ATAD2: variants seen among roughly 807,000 people sequenced by gnomAD.
ATAD2 encodes ATPase family AAA domain-containing protein 2.
In ATAD2, 62 loss-of-function variants were observed where a neutral mutation model predicts 168.9. The observed-to-expected ratio is 0.37, with a 90% CI of 0.30 to 0.45. The LOEUF (loss-of-function observed/expected upper bound fraction) is 0.45. ATAD2 is among the 20% of genes least tolerant of loss of function. The pLI is 1.00. For missense variants in ATAD2, 1,419 were observed against 1,667.8 expected, an observed-to-expected ratio of 0.85 and a Z score of 2.60; for synonymous variants, 613 against 571.6, an observed-to-expected ratio of 1.07 and a Z score of -1.03.
chr8:123,366,499 G>C (rs1828983747), intron 8 of ATAD2, among the ~76,000 whole-genome samples: 1 of 152,200 alleles, frequency 6.6e-6, no homozygotes, highest in Non-Finnish European at 1.5e-5. Flanking sequence ...TTGCAAAAAT[G>C]TGGAACCAAC....
intron 1 of ATAD2, among the ~76,000 whole-genome samples, chr8:123,386,320 G>T (rs1468508798): frequency 6.6e-6 from 1 of 152,108 alleles, no homozygotes. Flanking sequence ...ACATACAATG[G>T]AATATTATTC....
intron 1 of ATAD2, among the ~76,000 whole-genome samples, chr8:123,390,214 G>T (rs1051198462): frequency 1.3e-5 from 2 of 151,568 alleles, no homozygotes; most frequent in African/African-American, 4.9e-5. Context: ...TCTGATCTCC[G>T]GTGATATGCC....
intron 27 of ATAD2, among the ~76,000 whole-genome samples, chr8:123,322,025 T>A (rs1827483770): frequency 6.7e-6 from 1 of 149,220 alleles, no homozygotes; most frequent in Non-Finnish European, 1.5e-5. Context: ...TCTTACTCTG[T>A]CAGCCAGGCT....
Position 123,346,066 on chromosome 8 carries a change from C to T in ATAD2, c.2532+20G>A. The T allele has an allele frequency of 6.7e-7, 1 of 1,481,644 alleles. No homozygotes were observed. Among genetic ancestry groups the T allele is most frequent in the Non-Finnish European group, 9.0e-7 (1 of 1,115,386 alleles). The allele number at this position is 1,481,644 out of a possible 1,614,324, so 91.8% of individuals were successfully genotyped here. ...CTCTGAAAGCCTGTTTTGTCTTATA[C>T]TTGGGCACCAACAAATTACCTGGGC... On this transcript the variant is annotated intron_variant, in intron 18 of 27. Coordinates refer to ENST00000287394, the MANE Select transcript of ATAD2 (RefSeq NM_014109.4).
chr8:123,372,755 A>G, intron 2 of ATAD2, 69 bp from the exon 3 acceptor site: 1 of 1,283,550 alleles, frequency 7.8e-7, no homozygotes, highest in Non-Finnish European at 1.1e-6. Context: ...TTTAGATGGG[A>G]TTGCACTCCA....
intron 3 of ATAD2, 111 bp from the exon 4 acceptor site, chr8:123,371,946 A>G: frequency 1.8e-6 from 2 of 1,112,068 alleles, no homozygotes; most frequent in Admixed American, 3.4e-5. Context: ...ACAAAATTAC[A>G]GTATCTTAAA....
intron 21 of ATAD2, among the ~76,000 whole-genome samples, chr8:123,337,147 G>A (rs1257406168): frequency 6.6e-6 from 1 of 151,514 alleles, no homozygotes; most frequent in Non-Finnish European, 1.5e-5. Flanking sequence ...TGGATTACCT[G>A]AGGTCAGGAG....
At chr8:123,365,753 G>C (rs533829071) in intron 8 of ATAD2, among the ~76,000 whole-genome samples, 1 of 152,214 alleles carries the variant, frequency 6.6e-6, no homozygotes, top group South Asian at 2.1e-4. Flanking sequence ...TCTCTCACCT[G>C]ATACAAAAAT....
chr8:123,373,656 G>A (rs1266889716), intron 2 of ATAD2, among the ~76,000 whole-genome samples: 1 of 151,896 alleles, frequency 6.6e-6, no homozygotes, highest in East Asian at 1.9e-4. Flanking sequence ...AGGCATGGTG[G>A]CAGGCGCCTG....
intron 27 of ATAD2, 36 bp downstream of exon 27, chr8:123,322,900 CAA>C: frequency 6.3e-7 from 1 of 1,596,484 alleles, no homozygotes; most frequent in Non-Finnish European, 8.6e-7. Context: ...AATGTGACCA[CAA>C]GAGCATTTGT....
intron 1 of ATAD2, among the ~76,000 whole-genome samples, chr8:123,403,460 A>G (rs868394850): frequency 2.0e-5 from 3 of 147,076 alleles, no homozygotes; most frequent in African/African-American, 5.1e-5. Flanking sequence ...GGGTCTCCCT[A>G]TGTTGCCCAG....
Position 123,346,286 on chromosome 8 carries a change from G to A in ATAD2, c.2346-14C>T. 6.4e-7 allele frequency: 1 copy of A among 1,567,062 alleles called. No individual in the cohort carries two copies. The highest frequency in any genetic ancestry group is 8.6e-7 in the Non-Finnish European group (1 of 1,158,798). ...TAACAAGCATTTCTGAAAGAGAAAT[G>A]ATTAATAAGCTATGTTTTAGAAAAA... On this transcript the variant is annotated splice_polypyrimidine_tract_variant and intron_variant, in intron 17 of 27. Transcript: ENST00000287394.
chr8:123,326,280 G>A (rs1218839997), intron 25 of ATAD2, among the ~76,000 whole-genome samples: 2 of 152,064 alleles, frequency 1.3e-5, no homozygotes, highest in African/African-American at 4.8e-5. Flanking sequence ...TCTTCTACTT[G>A]AGCACAAGAC....
At chr8:123,346,537 TTTTTA>T in intron 17 of ATAD2, 76 bp downstream of exon 17, 1 of 1,316,724 alleles carries the variant, frequency 7.6e-7, no homozygotes, top group Non-Finnish European at 1.0e-6. Context: ...TGGTTAGCAC[TTTTTA>T]TTTTTTCAAC....
intron 13 of ATAD2, among the ~76,000 whole-genome samples, chr8:123,354,011 G>A (rs1828554319): frequency 6.6e-6 from 1 of 152,138 alleles, no homozygotes. Context: ...GTACATGCCT[G>A]TAATCCCAGC....
intron 1 of ATAD2, among the ~76,000 whole-genome samples, chr8:123,411,395 G>C (rs1211317550): frequency 6.6e-6 from 1 of 152,076 alleles, no homozygotes; most frequent in Non-Finnish European, 1.5e-5. Context: ...GCAGTCGTCG[G>C]CGAACCTCCC....
At chr8:123,396,946 T>A (rs979371278), upstream of ATAD2, among the ~76,000 whole-genome samples, 11 of 150,448 alleles carry the variant, frequency 7.3e-5, no homozygotes, top group South Asian at 2.1e-4. Context: ...TTTTTTTTTT[T>A]AAATAATTGA....
At chr8:123,325,751 G>T in intron 26 of ATAD2, 142 bp downstream of exon 26, 1 of 1,085,814 alleles carries the variant, frequency 9.2e-7, no homozygotes, top group Non-Finnish European at 1.3e-6. Flanking sequence ...GGAAGGAGAA[G>T]AACAGTAAAG....
In ATAD2 at chr8:123,328,350, T is replaced by G. The variant is rs746561297; in HGVS notation, c.3708A>C (p.Lys1236Asn). 3.7e-6 allele frequency: 6 copies of G among 1,607,026 alleles called. No homozygotes were observed. Among genetic ancestry groups the G allele is most frequent in the Non-Finnish European group, 4.2e-6 (5 of 1,177,948 alleles). The change falls in exon 25 of 28, where the codon AAA becomes AAC. Residue 1236 changes from lysine to asparagine, a missense_variant. Physicochemically the swap from Lys to Asn is moderately conservative, Grantham distance 94. Transcript: ENST00000287394. ...NEKQQNASES[K>N]LELRNNSNTC... Reference sequence around the variant, plus strand: ...TATTTGAATTATTTCTCAATTCCAGTTTGCTTTCAGAGGCATTTTGCTGTT... The same window carrying G: ...TATTTGAATTATTTCTCAATTCCAGGTTGCTTTCAGAGGCATTTTGCTGTT...
Sources: allele counts gnomAD v4.1 joint callset (sites outside exome capture counted in the v4.1 genomes callset), GRCh38; gene constraint gnomAD v4.1.1; transcripts MANE v1.5; gene names NCBI Gene and HGNC (gene_info 2026-07-23, HGNC 2026-07-21).